The following GRN variants were observed in gnomAD, a reference collection of about 807,000 sequenced individuals.
GRN encodes the protein granulin precursor, also known as progranulin.
GRN carries 30 observed loss-of-function variants against 66.7 expected under a neutral mutation model. The observed-to-expected ratio is 0.45, with a 90% CI of 0.34 to 0.61. The LOEUF (loss-of-function observed/expected upper bound fraction) is 0.61. GRN is among the 20% of genes least tolerant of loss of function. The probability of loss-of-function intolerance (pLI) is 0.01; values close to 1 mark genes in which losing one functional copy is unlikely to be tolerated. For missense variants in GRN, 731 were observed against 803.5 expected, an observed-to-expected ratio of 0.91 and a Z score of 1.09; for synonymous variants, 327 against 311.1, an observed-to-expected ratio of 1.05 and a Z score of -0.54.
At chr17:44,350,822 G>A (rs1388836872) in intron 7 of GRN, 22 bp downstream of exon 7, 1 of 1,576,382 alleles carries the variant, frequency 6.3e-7, no homozygotes, top group Non-Finnish European at 8.7e-7. Flanking sequence ...GCTGGAGCCA[G>A]CTTGGCTGTG....
At chr17:44,349,135 A>G in intron 1 of GRN, 23 bp from the exon 2 acceptor site, 1 of 1,613,616 alleles carries the variant, frequency 6.2e-7, no homozygotes, top group Non-Finnish European at 8.5e-7. Flanking sequence ...AGCAGTTGCC[A>G]GACGTTCCTT....
Position 44,349,961 on chromosome 17 carries a change from G to A in GRN, c.349+210G>A, listed in dbSNP as rs549485123. 4.8e-4 allele frequency: 309 copies of A among 639,362 alleles called. 1 individual carries two copies. The highest frequency in any genetic ancestry group is 7.0e-4 in the Non-Finnish European group (247 of 355,252). 39.6% of individuals were successfully genotyped at this position (639,362 alleles called of 1,614,324 possible). On this transcript the variant is annotated intron_variant, in intron 4 of 12. Transcript: ENST00000053867. ...AAAGTGCAAGACTCCAGGTCCAGGC[G>A]TTGTGGGGGTGGGGAGAGGTCGAGC...
chr17:44,348,587 A>AT (rs1160227001), intron 1 of GRN, among the ~76,000 whole-genome samples: 3 of 152,196 alleles, frequency 2.0e-5, no homozygotes, highest in Non-Finnish European at 4.4e-5. Flanking sequence ...ACTGGCCACC[A>AT]TATTTCCTTT....
In GRN at chr17:44,352,430, T is replaced by C; in HGVS notation, c.1503T>C (p.Ser501=). The C allele has an allele frequency of 6.2e-7, 1 of 1,614,116 alleles. No homozygotes were observed. The highest frequency in any genetic ancestry group is 2.2e-5 in the East Asian group (1 of 44,892). The change falls in exon 12 of 13, where the codon TCT becomes TCC. Residue 501 remains serine, a synonymous_variant. Coordinates refer to ENST00000053867, the MANE Select transcript of GRN (RefSeq NM_002087.4). ...KARSCEKEVV[S]AQPATFLARS... The stretch of plus-strand genomic sequence containing the variant: ...GATCCTGCGAGAAGGAAGTGGTCTC[T>C]GCCCAGCCTGCCACCTTCCTGGCCC...
chr17:44,349,964 G>C (rs1698742715), intron 4 of GRN: 3 of 638,718 alleles, frequency 4.7e-6, no homozygotes, highest in Non-Finnish European at 8.5e-6. Context: ...TCCAGGCGTT[G>C]TGGGGGTGGG....
chr17:44,348,758 G>A (rs947534729), intron 1 of GRN, among the ~76,000 whole-genome samples: 1 of 152,206 alleles, frequency 6.6e-6, no homozygotes, highest in Non-Finnish European at 1.5e-5. Flanking sequence ...CCCTAGCCCT[G>A]TCCTCTCCCA....
At chr17:44,350,621 C>A in intron 6 of GRN, 44 bp downstream of exon 6, 1 of 1,612,018 alleles carries the variant, frequency 6.2e-7, no homozygotes, top group Non-Finnish European at 8.5e-7. Context: ...GGGGCGGGGC[C>A]TCATTGACTC....
At chr17:44,350,612 G>T in intron 6 of GRN, 35 bp downstream of exon 6, 1 of 1,612,658 alleles carries the variant, frequency 6.2e-7, no homozygotes, top group Non-Finnish European at 8.5e-7. Flanking sequence ...CCAGGGGCTG[G>T]GGCGGGGCCT....
chr17:44,351,951 A>G (rs899268505), intron 10 of GRN, 64 bp from the exon 11 acceptor site: 4 of 1,471,666 alleles, frequency 2.7e-6, no homozygotes, highest in African/African-American at 1.4e-5. Flanking sequence ...TGGAGTAGGT[A>G]GGGGCTCGGC....
rs63751180 is a variant in GRN at position 44,352,087 on chromosome 17, C to G, written c.1252C>G (p.Arg418Gly). 7 of 1,613,786 alleles carry G rather than the reference C, an allele frequency of 4.3e-6. No individual in the cohort carries two copies. The highest frequency in any genetic ancestry group is 5.9e-6 in the Non-Finnish European group (7 of 1,179,932). The part of the protein sequence containing the change: ...YTCVAEGQCQ[R>G]GSEIVAGLEK... ...GTGTGTAGCTGAGGGGCAGTGTCAG[C>G]GAGGAAGCGAGATCGTGGCTGGACT... is the stretch of plus-strand genomic sequence containing the variant. Residue 418 changes from arginine (R) to glycine (G), a missense_variant, in exon 11 of 13, where the codon CGA becomes GGA. By Grantham distance (125) the Arg-to-Gly change is moderately radical. Transcript: ENST00000053867.
rs1341898712 is a variant in GRN, at chr17:44,351,418, C to T, written c.891C>T (p.Cys297=). Residue 297 remains cysteine (C), a synonymous_variant, in exon 9 of 13, where the codon TGC becomes TGT. Coordinates refer to ENST00000053867, the MANE Select transcript of GRN (RefSeq NM_002087.4). Reference sequence around the variant, plus strand: ...GCTGCCCAGATGGCTATACCTGCTGCCGTCTACAGTCGGGGGCCTGGGGCT... The same window carrying T: ...GCTGCCCAGATGGCTATACCTGCTGTCGTCTACAGTCGGGGGCCTGGGGCT... ...EVSCPDGYTC[C]RLQSGAWGCC... 8 of 1,613,772 alleles carry T rather than the reference C, an allele frequency of 5.0e-6. No homozygotes were observed. The Admixed American group carries it at 1.3e-4, about 27-fold the overall frequency.
In GRN at chr17:44,349,083, A is replaced by G. The variant is rs187491758; in HGVS notation, c.-7-75A>G. 1,733 of 1,519,704 alleles carry G rather than the reference A, an allele frequency of 1.1e-3. 13 individuals are homozygous for G. In the African/African-American group the frequency reaches 0.021, roughly 19 times the overall value. 94.1% of individuals were successfully genotyped at this position (1,519,704 alleles called of 1,614,324 possible). On this transcript the variant is annotated intron_variant, in intron 1 of 12. Transcript: ENST00000053867. ...TGGGCCAGGACCTTGGCCTGGGGCT[A>G]GGGTACTGAGTGACCCTAGAATCAA...
In GRN at chr17:44,351,122, A is replaced by C; in HGVS notation, c.794A>C (p.Asn265Thr). 1 of 1,614,066 alleles carries C rather than the reference A, an allele frequency of 6.2e-7. No homozygotes were observed. The highest frequency in any genetic ancestry group is 1.3e-5 in the African/African-American group (1 of 75,036). The change falls in exon 8 of 13, where the codon AAC becomes ACC. Residue 265 changes from asparagine (N) to threonine (T), a missense_variant. Around this residue, in one of 3 missense-constraint regions of GRN, gnomAD observed 370 missense variants for 379.8 expected, o/e 0.97. Transcript: ENST00000053867. ...LIQSKCLSKE[N>T]ATTDLLTKLP... ...CAGAGTAAGTGCCTCTCCAAGGAGA[A>C]CGCTACCACGGACCTCCTCACTAAG...
At chr17:44,351,920 C>T in intron 10 of GRN, 95 bp from the exon 11 acceptor site, 1 of 1,461,444 alleles carries the variant, frequency 6.8e-7, no homozygotes, top group Non-Finnish European at 9.5e-7. Context: ...GCTGGAGGTG[C>T]TGTAAGCAGG....
In GRN at chr17:44,351,457, C is replaced by T. The variant is rs2048373505; in HGVS notation, c.930C>T (p.Thr310=). 6.2e-7 allele frequency: 1 copy of T among 1,613,018 alleles called. No homozygotes were observed. The highest frequency in any genetic ancestry group is 1.1e-5 in the South Asian group (1 of 91,070). Residue 310 remains threonine (T), a synonymous_variant, in exon 9 of 13, where the codon ACC becomes ACT. Coordinates refer to ENST00000053867, the MANE Select transcript of GRN (RefSeq NM_002087.4). ...QSGAWGCCPF[T]QAVCCEDHIH... ...GGGCCTGGGGCTGCTGCCCTTTTACCCAGGTACCCAGGGGTGGCGGGTGGG... is the reference window on the plus strand; with the variant it reads ...GGGCCTGGGGCTGCTGCCCTTTTACTCAGGTACCCAGGGGTGGCGGGTGGG...
chr17:44,352,420 AAGTGG>A lies in GRN; in HGVS notation c.1494_1498del (p.Glu498AspfsTer12), dbSNP rs775435624. 6.2e-6 allele frequency: 10 copies of A among 1,614,088 alleles called. No individual in the cohort carries two copies. Among genetic ancestry groups the A allele is most frequent in the Non-Finnish European group, 8.5e-6 (10 of 1,180,014 alleles). On this transcript the variant is annotated frameshift_variant, in exon 12 of 13. Transcript: ENST00000053867. LOFTEE classifies it high-confidence loss of function. ...GTGAAGGCTCGATCCTGCGAGAAGG[AAGTGG>A]TCTCTGCCCAGCCTGCCACCTTCCT...
At chr17:44,351,983 A>T in intron 10 of GRN, 32 bp from the exon 11 acceptor site, 1 of 1,561,572 alleles carries the variant, frequency 6.4e-7, no homozygotes, top group Middle Eastern at 1.9e-4. Flanking sequence ...CATAGTGGCT[A>T]CCTACAACGC....
intron 7 of GRN, 83 bp downstream of exon 7, chr17:44,350,883 T>C (rs2048366825): frequency 4.3e-6 from 6 of 1,400,476 alleles, no homozygotes; most frequent in Non-Finnish European, 6.1e-6. Context: ...CTCTGTGGCA[T>C]GGGGCTGGCT....
In GRN at chr17:44,349,211, C is replaced by T. The variant is rs2048348002; in HGVS notation, c.47C>T (p.Ala16Val). ...SWVALTAGLV[A>V]GTRCPDGQFC... ...GTGGCCTTAACAGCAGGGCTGGTGG[C>T]TGGAACGCGGTGCCCAGATGGTCAG... is the stretch of plus-strand genomic sequence containing the variant. Residue 16 changes from alanine to valine, a missense_variant, in exon 2 of 13, where the codon GCT becomes GTT. Physicochemically the swap from Ala to Val is moderately conservative, Grantham distance 64. Transcript: ENST00000053867. 23 of 1,614,112 alleles carry T rather than the reference C, an allele frequency of 1.4e-5. No homozygotes were observed. Among genetic ancestry groups the T allele is most frequent in the Non-Finnish European group, 1.9e-5 (22 of 1,179,988 alleles).
Sources: gnomAD v4.1 joint callset for allele counts (sites outside exome capture counted in the v4.1 genomes callset) on GRCh38, gnomAD v4.1.1 for gene constraint, gnomAD v4.1.1 regional missense constraint, MANE v1.5 for transcripts, NCBI Gene and HGNC (gene_info 2026-07-23, HGNC 2026-07-21) for gene names.